Variants in TMEM184B observed in about 807,000 individuals in gnomAD.
TMEM184B encodes the protein putative MAPK-activating protein FM08.
In TMEM184B, 17 loss-of-function variants were observed where a neutral mutation model predicts 41.8. The ratio of observed to expected loss-of-function variants is 0.41; its 90% CI spans 0.28 to 0.61. The LOEUF (loss-of-function observed/expected upper bound fraction) is 0.61, where lower values mean the gene tolerates loss of function less well. Ranked by LOEUF, TMEM184B falls within the 20% of genes least tolerant of loss-of-function variation. The probability of loss-of-function intolerance (pLI) is 0.34; values close to 1 mark genes in which losing one functional copy is unlikely to be tolerated. For missense variants in TMEM184B, 393 were observed against 557.8 expected (o/e 0.70, Z 2.98); for synonymous variants, 240 against 229.5 (o/e 1.05, Z -0.41).
downstream of TMEM184B, among the ~76,000 whole-genome samples, chr22:38,218,119 C>G (rs2091172862): frequency 6.6e-6 from 1 of 152,206 alleles, no homozygotes; most frequent in Non-Finnish European, 1.5e-5. Context: ...TGGAAACTAT[C>G]TTCCCCATGT....
Position 38,243,486 on chromosome 22 carries a change from T to C in TMEM184B, c.358+2449A>G, listed in dbSNP as rs546190222. 5.9e-5 allele frequency among the ~76,000 whole-genome samples: 9 copies of C among 152,278 alleles called. No homozygotes were observed. The South Asian group carries it at 1.7e-3, about 28-fold the overall frequency. ...GGAACAGGTGGGCAGAGGCTGCCCC[T>C]GGGTACCCATGCGAGGCTGGCAGCT... On this transcript the variant is annotated intron_variant, in intron 3 of 8. Coordinates refer to ENST00000361906, the MANE Select transcript of TMEM184B (RefSeq NM_012264.5).
At chr22:38,250,187 G>C (rs1036481397) in intron 1 of TMEM184B, among the ~76,000 whole-genome samples, 2 of 152,236 alleles carry the variant, frequency 1.3e-5, no homozygotes, top group African/African-American at 4.8e-5. Flanking sequence ...GCGGCGGCCT[G>C]CAGCCTGGCC....
At position 38,247,812 on chromosome 22, in the gene TMEM184B, A is replaced by C. The variant is rs1446392808; in HGVS notation, c.150T>G (p.Ser50=). 1.2e-6 allele frequency: 2 copies of C among 1,613,966 alleles called. No homozygotes were observed. Among genetic ancestry groups the C allele is most frequent in the African/African-American group, 2.7e-5 (2 of 74,930 alleles). Residue 50 remains serine (S), a synonymous_variant, in exon 2 of 9, where the codon TCT becomes TCG. Transcript: ENST00000361906. ...GCAGGGCCGTCCACACGAAGAAGCC[A>C]GAGATGGCCTGAGCGGCAGTTGTCA... ...FLMTTAAQAI[S]GFFVWTALLI...
intron 1 of TMEM184B, among the ~76,000 whole-genome samples, chr22:38,255,237 G>A (rs188727505): frequency 6.6e-6 from 1 of 152,280 alleles, no homozygotes; most frequent in East Asian, 1.9e-4. Flanking sequence ...TGTTGGTCAG[G>A]CTGATCTTGA....
chr22:38,270,287 T>C (rs182218678), intron 1 of TMEM184B, among the ~76,000 whole-genome samples: 8 of 152,320 alleles, frequency 5.3e-5, no homozygotes, highest in Admixed American at 1.3e-4. Context: ...AGGTCAGACC[T>C]ACTGGTTCAA....
chr22:38,264,242 T>C (rs2145776434), intron 1 of TMEM184B, among the ~76,000 whole-genome samples: 1 of 152,328 alleles, frequency 6.6e-6, no homozygotes, highest in African/African-American at 2.4e-5. Context: ...CACGCTTGCA[T>C]TTCCCAGCTG....
chr22:38,247,637 G>A (rs747547464), intron 2 of TMEM184B, 133 bp downstream of exon 2: 157 of 1,155,032 alleles, frequency 1.4e-4, no homozygotes, highest in Admixed American at 5.1e-4. Context: ...GACTTCTATC[G>A]AGGGAAGCCT....
In TMEM184B at chr22:38,246,065, G is replaced by T. The variant is rs372497524; in HGVS notation, c.228C>A (p.Asn76Lys). 2 of 1,612,688 alleles carry T rather than the reference G, an allele frequency of 1.2e-6. No homozygotes were observed. The highest frequency in any genetic ancestry group is 1.7e-6 in the Non-Finnish European group (2 of 1,180,004). Residue 76 changes from asparagine (N) to lysine (K), a missense_variant, in exon 3 of 9, where the codon AAC (asparagine) becomes AAA (lysine). By Grantham distance (94) the Asn-to-Lys change is moderately conservative. Coordinates refer to ENST00000361906, the MANE Select transcript of TMEM184B (RefSeq NM_012264.5). ...GGATGCGCACGATGTAGCGCTGCTC[G>T]TTGGGGCAGCTGTAGCAGCGCAGGT... ...YMHLRCYSCP[N>K]EQRYIVRILF...
intron 5 of TMEM184B, among the ~76,000 whole-genome samples, chr22:38,229,341 C>T (rs1395148462): frequency 6.6e-6 from 1 of 152,260 alleles, no homozygotes; most frequent in Non-Finnish European, 1.5e-5. Flanking sequence ...TGGGCTCCAC[C>T]ACGCCGGGCT....
intron 1 of TMEM184B, among the ~76,000 whole-genome samples, chr22:38,255,269 C>T (rs373918145): frequency 2.6e-5 from 4 of 152,218 alleles, no homozygotes; most frequent in African/African-American, 9.6e-5. Flanking sequence ...TGTGATCCGC[C>T]CGCCTCAGCC....
In TMEM184B at chr22:38,220,497, G is replaced by A. The variant is rs1278814760; in HGVS notation, c.*972C>T. 1.0e-6 allele frequency: 1 copy of A among 985,786 alleles called. No individual in the cohort carries two copies. The highest frequency in any genetic ancestry group is 1.7e-5 in the African/African-American group (1 of 57,228). 61.1% of individuals were successfully genotyped at this position (985,786 alleles called of 1,614,324 possible). On this transcript the variant is annotated 3_prime_UTR_variant, in exon 9 of 9. Coordinates refer to ENST00000361906, the MANE Select transcript of TMEM184B (RefSeq NM_012264.5). ...CCCACCTCCCAGCTCCCCACTGTGTGGCCACCCCTCCCGGTCTCCCTGCCG... is the reference window on the plus strand; with the variant it reads ...CCCACCTCCCAGCTCCCCACTGTGTAGCCACCCCTCCCGGTCTCCCTGCCG...
At chr22:38,246,841 G>A (rs543838057) in intron 2 of TMEM184B, 261 of 1,302,114 alleles carry the variant, frequency 2.0e-4, no homozygotes, top group Middle Eastern at 1.1e-3. Context: ...TGGGTGTCTC[G>A]TCCCAGCTCT....
Position 38,247,962 on chromosome 22 carries a change from G to A in TMEM184B, c.-1C>T, listed in dbSNP as rs1034583672. The A allele has an allele frequency of 1.3e-6, 2 of 1,572,972 alleles. No homozygotes were observed. The highest frequency in any genetic ancestry group is 3.6e-5 in the Admixed American group (2 of 54,828). ...CCAGCACATCCCCCCTCACTGTCAT[G>A]GTGCCTGGCAGCAGGAGGCTCCCTG... is the stretch of plus-strand genomic sequence containing the variant. On this transcript the variant is annotated 5_prime_UTR_variant, in exon 2 of 9. Transcript: ENST00000361906.
chr22:38,224,996 G>A lies in TMEM184B; in HGVS notation c.788-17C>T, dbSNP rs113702501. ...GGAGCATGCCTGGATGGGGAGGCAC[G>A]GGTGTCTGGACCCAGAATGATTCCT... is the stretch of plus-strand genomic sequence containing the variant. On this transcript the variant is annotated splice_polypyrimidine_tract_variant and intron_variant, in intron 7 of 8. Transcript: ENST00000361906. 4,912 of 1,535,740 alleles carry A rather than the reference G, an allele frequency of 3.2e-3. 77 individuals are homozygous for A. In the African/African-American group the frequency reaches 0.044, roughly 14 times the overall value.
Position 38,241,833 on chromosome 22 carries a change from G to A in TMEM184B, c.358+4102C>T, listed in dbSNP as rs760091776. 1.7e-4 allele frequency among the ~76,000 whole-genome samples: 23 copies of A among 139,064 alleles called. No homozygotes were observed. In the Admixed American group the frequency reaches 1.7e-3, roughly 10 times the overall value. The allele number at this position is 139,064 out of a possible 152,430, so 91.2% of individuals were successfully genotyped here. On this transcript the variant is annotated intron_variant, in intron 3 of 8. Coordinates refer to ENST00000361906, the MANE Select transcript of TMEM184B (RefSeq NM_012264.5). ...CAGGAGACAGAGTTTGCAGTGAGCC[G>A]AGGTGGCGTCACTGCACTCCGGCCT...
intron 1 of TMEM184B, among the ~76,000 whole-genome samples, chr22:38,268,188 T>C (rs897442552): frequency 1.3e-5 from 2 of 151,866 alleles, no homozygotes; most frequent in Non-Finnish European, 2.9e-5. Context: ...CGAGACCAGC[T>C]TGGCTAACAT....
chr22:38,268,805 C>G (rs2092480092), intron 1 of TMEM184B, among the ~76,000 whole-genome samples: 1 of 152,268 alleles, frequency 6.6e-6, no homozygotes, highest in African/African-American at 2.4e-5. Context: ...ATCATAATTG[C>G]TTGTGTGTCT....
intron 1 of TMEM184B, among the ~76,000 whole-genome samples, chr22:38,272,226 G>A (rs1004895060): frequency 6.6e-6 from 1 of 152,222 alleles, no homozygotes; most frequent in African/African-American, 2.4e-5. Flanking sequence ...CAGCACTGGA[G>A]GTAAGTGGAT....
chr22:38,221,671 T>C lies in TMEM184B; in HGVS notation c.1022A>G (p.Lys341Arg), dbSNP rs1476642409. 6.2e-7 allele frequency: 1 copy of C among 1,614,008 alleles called. No individual in the cohort carries two copies. The highest frequency in any genetic ancestry group is 1.1e-5 in the South Asian group (1 of 91,078). The change falls in exon 9 of 9, where the codon AAG (lysine) becomes AGG (arginine). Residue 341 changes from lysine (K) to arginine (R), a missense_variant. Around this residue, in one of 2 missense-constraint regions of TMEM184B, gnomAD observed 271 missense variants for 434.1 expected, o/e 0.62. Coordinates refer to ENST00000361906, the MANE Select transcript of TMEM184B (RefSeq NM_012264.5). The stretch of plus-strand genomic sequence containing the variant: ...GATGTCGTGCGGGTTCATGGTCTCC[T>C]TGAGGCTGCTGGAGATGCTCTTCAT... ...APMKSISSSL[K>R]ETMNPHDIVQ... is the part of the protein sequence containing the mutation.
Sources: allele counts gnomAD v4.1 joint callset (sites outside exome capture counted in the v4.1 genomes callset), GRCh38; gene constraint gnomAD v4.1.1; regional missense constraint gnomAD v4.1.1; transcripts MANE v1.5; gene names NCBI Gene and HGNC (gene_info 2026-07-23, HGNC 2026-07-21).